Variants in INPP5A observed in about 807,000 individuals in gnomAD.
The protein encoded by INPP5A is inositol polyphosphate-5-phosphatase A.
In INPP5A, 14 loss-of-function variants were observed where a neutral mutation model predicts 65.2. The ratio of observed to expected loss-of-function variants is 0.21; its 90% confidence interval spans 0.14 to 0.34. The LOEUF (loss-of-function observed/expected upper bound fraction) is 0.34. INPP5A is among the 10% of genes least tolerant of loss of function. The pLI is 1.00. For synonymous variants in INPP5A, 207 were observed against 208.3 expected (o/e 0.99, Z 0.05); for missense variants, 431 against 545.6 (o/e 0.79, Z 2.09).
chr10:132,729,581 C>T (rs1846045826), intron 9 of INPP5A, among the ~76,000 whole-genome samples: 1 of 152,170 alleles, frequency 6.6e-6, no homozygotes, highest in Non-Finnish European at 1.5e-5. Flanking sequence ...CAGGAAGAAG[C>T]AAGACCATGC....
chr10:132,774,757 C>T (rs945121256), intron 12 of INPP5A, among the ~76,000 whole-genome samples: 8 of 151,448 alleles, frequency 5.3e-5, no homozygotes, highest in Admixed American at 6.6e-5. Flanking sequence ...AACAATCTGC[C>T]GTGCAGCCTA....
chr10:132,621,800 T>C (rs910591116), intron 2 of INPP5A, among the ~76,000 whole-genome samples: 5 of 151,100 alleles, frequency 3.3e-5, no homozygotes, highest in African/African-American at 1.2e-4. Flanking sequence ...TTTTTTTTTT[T>C]AAATCTGTGT....
At chr10:132,541,884 G>C (rs1277731990) in intron 1 of INPP5A, among the ~76,000 whole-genome samples, 2 of 152,242 alleles carry the variant, frequency 1.3e-5, no homozygotes, top group Non-Finnish European at 2.9e-5. Flanking sequence ...CAGACTGCCA[G>C]ATCACCCTCG....
intron 9 of INPP5A, among the ~76,000 whole-genome samples, chr10:132,736,273 CAA>C (rs772631913): frequency 1.5e-4 from 23 of 152,356 alleles, no homozygotes; most frequent in Admixed American, 2.6e-4. Flanking sequence ...GCCGTGGTGA[CAA>C]AGAGTGACAG....
chr10:132,776,665 T>C (rs1381614670), intron 12 of INPP5A, among the ~76,000 whole-genome samples: 7 of 152,292 alleles, frequency 4.6e-5, no homozygotes, highest in African/African-American at 1.7e-4. Flanking sequence ...CCCCCGGGGT[T>C]CGTTCACTCC....
chr10:132,558,590 G>A (rs1252767327), intron 1 of INPP5A, among the ~76,000 whole-genome samples: 1 of 152,216 alleles, frequency 6.6e-6, no homozygotes, highest in African/African-American at 2.4e-5. Flanking sequence ...GTGGAGAGAG[G>A]CCAGCTGCAG....
At chr10:132,600,028 A>G (rs2071756053) in intron 1 of INPP5A, among the ~76,000 whole-genome samples, 1 of 152,208 alleles carries the variant, frequency 6.6e-6, no homozygotes, top group Admixed American at 6.5e-5. Context: ...AGGTGTTGCC[A>G]TGAAGGTCTC....
chr10:132,560,173 G>A (rs570640302), intron 1 of INPP5A, among the ~76,000 whole-genome samples: 1 of 151,832 alleles, frequency 6.6e-6, no homozygotes, highest in South Asian at 2.1e-4. Context: ...TCTCTTGGGT[G>A]TAGACCTGCT....
intron 9 of INPP5A, among the ~76,000 whole-genome samples, chr10:132,742,727 G>C (rs867623704): frequency 2.6e-5 from 4 of 152,176 alleles, no homozygotes; most frequent in African/African-American, 9.7e-5. Flanking sequence ...CTTCCTTCCC[G>C]GGGTCTGGAA....
rs1285434779 is a variant in INPP5A at position 132,675,786 on chromosome 10, G to C, written c.307-14606G>C. On this transcript the variant is annotated intron_variant, in intron 4 of 15. Transcript: ENST00000368594. The surrounding 1 kb of genome is among the most constrained non-coding windows in gnomAD (Gnocchi z 4.2). The stretch of plus-strand genomic sequence containing the variant: ...AATGGACATTTAAAACTCAATTAAG[G>C]CTTTTGAGTAGAGTTTTATATGCCC... 6.6e-6 allele frequency among the ~76,000 whole-genome samples: 1 copy of C among 152,176 alleles called. No individual in the cohort carries two copies. Among genetic ancestry groups the C allele is most frequent in the Admixed American group, 6.5e-5 (1 of 15,280 alleles).
At chr10:132,692,594 G>A (rs1845286208) in intron 5 of INPP5A, among the ~76,000 whole-genome samples, 1 of 152,180 alleles carries the variant, frequency 6.6e-6, no homozygotes, top group Non-Finnish European at 1.5e-5. Flanking sequence ...AAGGAACAAG[G>A]ATAACAATTA....
chr10:132,546,677 T>G lies in INPP5A; in HGVS notation c.75+8506T>G, dbSNP rs1437522975. ...TCTCTGTGTGGGGTCTCCTGGCTCCTGCAGATCTGTGTAGCCTGCACTGAA... is the reference window on the plus strand; with the variant it reads ...TCTCTGTGTGGGGTCTCCTGGCTCCGGCAGATCTGTGTAGCCTGCACTGAA... On this transcript the variant is annotated intron_variant, in intron 1 of 15. Transcript: ENST00000368594. This position sits in a 1 kb window ranked among gnomAD's most constrained non-coding sequence, Gnocchi z 5.7. Among the ~76,000 whole-genome samples the G allele has an allele frequency of 6.6e-6, 1 of 152,192 alleles. No individual in the cohort carries two copies. Among genetic ancestry groups the G allele is most frequent in the African/African-American group, 2.4e-5 (1 of 41,448 alleles).
chr10:132,743,012 A>G (rs1313723378), intron 9 of INPP5A, among the ~76,000 whole-genome samples: 1 of 152,214 alleles, frequency 6.6e-6, no homozygotes, highest in African/African-American at 2.4e-5. Context: ...TTCTGATTTC[A>G]TGCTATCAGA....
Position 132,697,723 on chromosome 10 carries a change from G to A in INPP5A, c.371-93G>A, listed in dbSNP as rs1302278519. ...TCGGGGGGCCTCTCTGGCTCCCATCGGGCTGAAGTCGGGTGGAAACAGGTT... is the reference window on the plus strand; with the variant it reads ...TCGGGGGGCCTCTCTGGCTCCCATCAGGCTGAAGTCGGGTGGAAACAGGTT... On this transcript the variant is annotated intron_variant, in intron 5 of 15. Coordinates refer to ENST00000368594, the MANE Select transcript of INPP5A (RefSeq NM_005539.5). This position sits in a 1 kb window ranked among gnomAD's most constrained non-coding sequence, Gnocchi z 5.6. 45 of 859,432 alleles carry A rather than the reference G, an allele frequency of 5.2e-5. No individual in the cohort carries two copies. Among genetic ancestry groups the A allele is most frequent in the South Asian group, 5.1e-4 (35 of 68,218 alleles). The allele number at this position is 859,432 out of a possible 1,614,324, so 53.2% of individuals were successfully genotyped here.
At chr10:132,774,344 G>A (rs1021426314) in intron 12 of INPP5A, among the ~76,000 whole-genome samples, 1 of 152,254 alleles carries the variant, frequency 6.6e-6, no homozygotes, top group African/African-American at 2.4e-5. Flanking sequence ...CCTGCTCCGT[G>A]TACACAAGAG....
intron 1 of INPP5A, among the ~76,000 whole-genome samples, chr10:132,543,325 G>A (rs1269888262): frequency 6.6e-6 from 1 of 151,970 alleles, no homozygotes; most frequent in African/African-American, 2.4e-5. Context: ...GGGATCAGAC[G>A]GTCTGCCCTT....
Position 132,538,255 on chromosome 10 carries a change from C to G in INPP5A, c.75+84C>G. ...GGTCCCGAACTGCAAGCCTTGGACCCTGGACCGTGAACCTCCAGACCCAGA... is the reference window on the plus strand; with the variant it reads ...GGTCCCGAACTGCAAGCCTTGGACCGTGGACCGTGAACCTCCAGACCCAGA... On this transcript the variant is annotated intron_variant, in intron 1 of 15. Transcript: ENST00000368594. This position sits in a 1 kb window ranked among gnomAD's most constrained non-coding sequence, Gnocchi z 4.1. 1 of 807,458 alleles carries G rather than the reference C, an allele frequency of 1.2e-6. No individual in the cohort carries two copies. Among genetic ancestry groups the G allele is most frequent in the Non-Finnish European group, 1.6e-6 (1 of 612,736 alleles). 50.0% of individuals were successfully genotyped at this position (807,458 alleles called of 1,614,324 possible). A position where few individuals can be genotyped will look rare whatever the true frequency, so the allele number is the denominator to read the frequency against.
intron 4 of INPP5A, among the ~76,000 whole-genome samples, chr10:132,656,965 C>T (rs2072664765): frequency 6.6e-6 from 1 of 152,220 alleles, no homozygotes; most frequent in African/African-American, 2.4e-5. Context: ...TTGGGCAGGC[C>T]TGAGCCTGGG....
rs920453042 is a variant in INPP5A at position 132,555,022 on chromosome 10, G to T, written c.75+16851G>T. Among the ~76,000 whole-genome samples, 3 of 151,520 alleles carry T rather than the reference G, an allele frequency of 2.0e-5. No individual in the cohort carries two copies. Among genetic ancestry groups the T allele is most frequent in the African/African-American group, 7.3e-5 (3 of 41,166 alleles). On this transcript the variant is annotated intron_variant, in intron 1 of 15. Transcript: ENST00000368594. This position sits in a 1 kb window ranked among gnomAD's most constrained non-coding sequence, Gnocchi z 4.4. The stretch of plus-strand genomic sequence containing the variant: ...TTGGTCCCTGTGGGTAGTATGGGTG[G>T]CATGGTATTGTGTGTGGCATGATTG...
Sources: gnomAD v4.1 joint callset for allele counts (sites outside exome capture counted in the v4.1 genomes callset) on GRCh38, gnomAD v4.1.1 for gene constraint, Gnocchi (gnomAD v3.1) non-coding constraint, MANE v1.5 for transcripts, NCBI Gene and HGNC (gene_info 2026-07-23, HGNC 2026-07-21) for gene names.